The following ELAVL4 variants were observed in gnomAD, a reference collection of about 807,000 sequenced individuals.
ELAVL4 encodes the protein ELAV like RNA binding protein 4.
ELAVL4 carries 1 observed loss-of-function variant against 35.6 expected under a neutral mutation model. That is an observed-to-expected ratio of 0.03 (90% CI 0.01 to 0.13). The LOEUF (loss-of-function observed/expected upper bound fraction) is 0.13. ELAVL4 is among the 10% of genes least tolerant of loss of function. The probability of loss-of-function intolerance (pLI) is 1.00; values close to 1 mark genes in which losing one functional copy is unlikely to be tolerated. For missense variants in ELAVL4, 267 were observed against 464.9 expected (o/e 0.57, Z 3.91); for synonymous variants, 156 against 171.0 (o/e 0.91, Z 0.69).
exon 1 of ELAVL4, chr1:50,048,118 C>A: frequency 1.3e-6 from 2 of 1,491,728 alleles, no homozygotes; most frequent in Non-Finnish European, 1.8e-6. Flanking sequence ...CCGCGCTCCG[C>A]CCCACCCAGC....
intron 2 of ELAVL4, among the ~76,000 whole-genome samples, chr1:50,166,302 C>A (rs1236369126): frequency 1.3e-5 from 2 of 152,152 alleles, no homozygotes; most frequent in Non-Finnish European, 2.9e-5. Context: ...TTACACCTAA[C>A]ATAATACAAC....
intron 3 of ELAVL4, among the ~76,000 whole-genome samples, chr1:50,193,366 GTTTTT>G (rs5774071): frequency 1.4e-5 from 2 of 145,282 alleles, no homozygotes; most frequent in East Asian, 4.0e-4. Context: ...ATTTCATGAG[GTTTTT>G]TTTTTTTTTC....
At chr1:50,122,174 A>T (rs1177435962) in intron 1 of ELAVL4, among the ~76,000 whole-genome samples, 1 of 152,072 alleles carries the variant, frequency 6.6e-6, no homozygotes, top group East Asian at 1.9e-4. Flanking sequence ...TAAAATTTCA[A>T]AAATTTATTC....
At chr1:50,053,276 T>G (rs558069645) in intron 1 of ELAVL4, among the ~76,000 whole-genome samples, 1 of 152,316 alleles carries the variant, frequency 6.6e-6, no homozygotes, top group African/African-American at 2.4e-5. Context: ...AATACTTCCA[T>G]TGACAAACAA....
intron 1 of ELAVL4, among the ~76,000 whole-genome samples, chr1:50,059,953 G>A (rs954097219): frequency 6.6e-6 from 1 of 152,158 alleles, no homozygotes; most frequent in Non-Finnish European, 1.5e-5. Flanking sequence ...GGGAGCAGGG[G>A]TGAATGGGGA....
At chr1:50,088,095 T>C (rs1489840862) in intron 1 of ELAVL4, among the ~76,000 whole-genome samples, 1 of 152,216 alleles carries the variant, frequency 6.6e-6, no homozygotes, top group Non-Finnish European at 1.5e-5. Context: ...GATTGAGTTG[T>C]GAGTGCTTCA....
At chr1:50,133,372 C>T (rs1003566245) in intron 1 of ELAVL4, among the ~76,000 whole-genome samples, 1 of 152,070 alleles carries the variant, frequency 6.6e-6, no homozygotes, top group Non-Finnish European at 1.5e-5. Context: ...CAAAGGCACA[C>T]TTCTCCTCAC....
chr1:50,182,042 G>A (rs796305712), intron 3 of ELAVL4, among the ~76,000 whole-genome samples: 1 of 152,318 alleles, frequency 6.6e-6, no homozygotes, highest in African/African-American at 2.4e-5. Flanking sequence ...AAATGGCTGT[G>A]GATTCTGAAA....
At chr1:50,189,771 C>T (rs1273589830) in intron 3 of ELAVL4, among the ~76,000 whole-genome samples, 1 of 152,204 alleles carries the variant, frequency 6.6e-6, no homozygotes, top group Admixed American at 6.5e-5. Context: ...AATATATCAA[C>T]TCAGTTCTTA....
intron 1 of ELAVL4, among the ~76,000 whole-genome samples, chr1:50,064,567 T>C (rs1052245500): frequency 3.9e-5 from 6 of 152,184 alleles, no homozygotes; most frequent in Non-Finnish European, 8.8e-5. Flanking sequence ...ATACTAGGAA[T>C]TGGCCTTGTC....
At chr1:50,198,939 T>C (rs2480680) in intron 6 of ELAVL4, among the ~76,000 whole-genome samples, 1,840 of 152,348 alleles carry the variant, frequency 0.012, 38 homozygotes, top group African/African-American at 0.04. Flanking sequence ...CTTTGACTTA[T>C]AATAAATACT....
intron 1 of ELAVL4, among the ~76,000 whole-genome samples, chr1:50,084,665 T>C (rs1317815025): frequency 2.6e-5 from 4 of 152,174 alleles, no homozygotes; most frequent in Non-Finnish European, 1.5e-5. Flanking sequence ...TGTTCTTGCC[T>C]TGGGACCTTT....
Position 50,144,947 on chromosome 1 carries a change from T to G in ELAVL4, c.10-10T>G, listed in dbSNP as rs1370335864. 1 of 1,601,760 alleles carries G rather than the reference T, an allele frequency of 6.2e-7. No individual in the cohort carries two copies. ...AAAAGGCTTTTTCAATTGTTTTTAT[T>G]TTTATTTAGATAATTAGCACCATGG... On this transcript the variant is annotated splice_polypyrimidine_tract_variant and intron_variant, in intron 1 of 6. Transcript: ENST00000371824.
At chr1:50,148,137 A>G (rs1315947195) in intron 2 of ELAVL4, among the ~76,000 whole-genome samples, 1 of 152,144 alleles carries the variant, frequency 6.6e-6, no homozygotes, top group Non-Finnish European at 1.5e-5. Context: ...CGGAGCCTCC[A>G]TTTTCTTAGA....
At chr1:50,156,033 A>G (rs940877100) in intron 2 of ELAVL4, among the ~76,000 whole-genome samples, 2 of 150,306 alleles carry the variant, frequency 1.3e-5, no homozygotes, top group African/African-American at 2.4e-5. Flanking sequence ...ACAGGCACGC[A>G]CACACACACA....
At chr1:50,075,033 A>T (rs1291313782) in intron 1 of ELAVL4, among the ~76,000 whole-genome samples, 1 of 152,226 alleles carries the variant, frequency 6.6e-6, no homozygotes, top group Non-Finnish European at 1.5e-5. Flanking sequence ...AGAGAATAGA[A>T]CATAATTTGG....
At chr1:50,187,271 C>T (rs558936266) in intron 3 of ELAVL4, among the ~76,000 whole-genome samples, 1 of 152,150 alleles carries the variant, frequency 6.6e-6, no homozygotes, top group Non-Finnish European at 1.5e-5. Context: ...CTGTTGTATT[C>T]ATCTCTACAC....
chr1:50,056,449 C>G (rs1663677267), intron 1 of ELAVL4, among the ~76,000 whole-genome samples: 1 of 152,098 alleles, frequency 6.6e-6, no homozygotes, highest in Admixed American at 6.5e-5. Flanking sequence ...GACATCATAG[C>G]CATTGTAACA....
intron 2 of ELAVL4, among the ~76,000 whole-genome samples, chr1:50,162,639 A>G (rs1457541182): frequency 3.3e-5 from 5 of 152,164 alleles, no homozygotes; most frequent in Admixed American, 2.6e-4. Flanking sequence ...GCTGGAGTGC[A>G]GTGGTGTGAT....
Sources: allele counts gnomAD v4.1 joint callset (sites outside exome capture counted in the v4.1 genomes callset), GRCh38; gene constraint gnomAD v4.1.1; transcripts MANE v1.5; gene names NCBI Gene and HGNC (gene_info 2026-07-23, HGNC 2026-07-21).